Variants in TTC13 observed in about 807,000 individuals in gnomAD.
The protein encoded by TTC13 is tetratricopeptide repeat domain 13.
TTC13 carries 62 observed loss-of-function variants against 120.0 expected under a neutral mutation model. That is an observed-to-expected ratio of 0.52 (90% CI 0.42 to 0.64). The LOEUF is 0.64. TTC13 is among the 30% of genes least tolerant of loss of function. TTC13 has a pLI of 0.00. For synonymous variants in TTC13, 384 were observed against 393.5 expected (o/e 0.98, Z 0.28); for missense variants, 824 against 1,050.2 (o/e 0.78, Z 2.98).
intron 3 of TTC13, among the ~76,000 whole-genome samples, chr1:230,955,680 A>AG (rs1676014997): frequency 6.6e-6 from 1 of 151,726 alleles, no homozygotes; most frequent in African/African-American, 2.4e-5. Flanking sequence ...CAAAAAAAAA[A>AG]AAAAAGGAGT....
intron 2 of TTC13, among the ~76,000 whole-genome samples, chr1:230,959,385 C>CT (rs200290858): frequency 0.27 from 40,128 of 147,252 alleles, 5,578 homozygotes; most frequent in South Asian, 0.4. Context: ...AAATCAAATT[C>CT]TTTTTTTTTT....
intron 20 of TTC13, among the ~76,000 whole-genome samples, chr1:230,910,744 T>C (rs1048866964): frequency 1.3e-5 from 2 of 152,240 alleles, no homozygotes; most frequent in South Asian, 2.1e-4. Flanking sequence ...TAAGACAACA[T>C]TTATGTTTCT....
Position 230,924,870 on chromosome 1 carries a change from G to C in TTC13, c.1692C>G (p.Asp564Glu). Residue 564 changes from aspartate to glutamate, a missense_variant, in exon 14 of 23, where the codon GAC (aspartate) becomes GAG (glutamate). By Grantham distance (45) the Asp-to-Glu change is conservative (BLOSUM62 2). This residue lies in a region of TTC13 where 430 missense variants were observed against 626.8 expected (regional missense o/e 0.69). Transcript: ENST00000366661. ...NGKTRLMQWR[D>E]MFDIAVKWRR... ...TCCATTTAACTGCAATGTCAAACAT[G>C]TCTCTCCACTGCATCAACCGTGTCT... 6.2e-7 allele frequency: 1 copy of C among 1,614,176 alleles called. No homozygotes were observed. Among genetic ancestry groups the C allele is most frequent in the Non-Finnish European group, 8.5e-7 (1 of 1,180,014 alleles).
intron 18 of TTC13, among the ~76,000 whole-genome samples, chr1:230,913,507 G>GCGCGC (rs1671709588): frequency 1.3e-5 from 2 of 152,116 alleles, no homozygotes; most frequent in South Asian, 4.1e-4. Flanking sequence ...CTACTGGTAT[G>GCGCGC]CACCTGTAGT....
chr1:230,925,520 T>C lies in TTC13; in HGVS notation c.1585A>G (p.Arg529Gly). The C allele has an allele frequency of 6.2e-7, 1 of 1,614,088 alleles. No homozygotes were observed. The highest frequency in any genetic ancestry group is 8.5e-7 in the Non-Finnish European group (1 of 1,179,934). The change falls in exon 13 of 23, where the codon AGA becomes GGA. Residue 529 changes from arginine to glycine, a missense_variant. Physicochemically the swap from Arg to Gly is moderately radical, Grantham distance 125. Around this residue, in one of 4 missense-constraint regions of TTC13, gnomAD observed 430 missense variants for 626.8 expected, o/e 0.69. Coordinates refer to ENST00000366661, the MANE Select transcript of TTC13 (RefSeq NM_024525.5). ...PGFLPNKRIH[R>G]AMGLAALEVM... ...TTTCAGGTAGTTTCCAGAATACCTC[T>C]GTGTATTCTCTTGTTTGGCAGGAAA...
chr1:230,952,161 G>T (rs554019724), intron 4 of TTC13, among the ~76,000 whole-genome samples: 1 of 151,986 alleles, frequency 6.6e-6, no homozygotes, highest in East Asian at 1.9e-4. Context: ...TAGAATCTTC[G>T]AATTTTCTAT....
At chr1:230,910,085 T>C (rs1348357646) in intron 20 of TTC13, among the ~76,000 whole-genome samples, 2 of 152,086 alleles carry the variant, frequency 1.3e-5, no homozygotes, top group Non-Finnish European at 2.9e-5. Context: ...TAATGCATCC[T>C]AGCAGGTGGA....
In TTC13 at chr1:230,909,035, A is replaced by C; in HGVS notation, c.2310-15T>G. ...AAGCAATTACACTATTTAAATAAAGAACAAAGGTCAATCCATCCTGGACGG... is the reference window on the plus strand; with the variant it reads ...AAGCAATTACACTATTTAAATAAAGCACAAAGGTCAATCCATCCTGGACGG... On this transcript the variant is annotated splice_polypyrimidine_tract_variant and intron_variant, in intron 20 of 22. Coordinates refer to ENST00000366661, the MANE Select transcript of TTC13 (RefSeq NM_024525.5). The C allele has an allele frequency of 6.2e-7, 1 of 1,611,106 alleles. No homozygotes were observed. Among genetic ancestry groups the C allele is most frequent in the Non-Finnish European group, 8.5e-7 (1 of 1,177,278 alleles).
intron 7 of TTC13, among the ~76,000 whole-genome samples, chr1:230,939,745 C>CA (rs1674379695): frequency 6.6e-6 from 1 of 152,098 alleles, no homozygotes; most frequent in African/African-American, 2.4e-5. Flanking sequence ...GTCTCAACTA[C>CA]AAAAAAATTT....
chr1:230,932,368 G>GA (rs1558187017), intron 9 of TTC13, among the ~76,000 whole-genome samples: 1 of 148,312 alleles, frequency 6.7e-6, no homozygotes, highest in Non-Finnish European at 1.5e-5. Context: ...TTAGAATTCT[G>GA]AAAAAAGAAG....
intron 3 of TTC13, among the ~76,000 whole-genome samples, chr1:230,956,975 C>T (rs1303403318): frequency 6.6e-6 from 1 of 152,074 alleles, no homozygotes; most frequent in African/African-American, 2.4e-5. Context: ...TAGGCCAGCT[C>T]AGGGCCTACA....
Position 230,942,451 on chromosome 1 carries a change from C to T in TTC13, c.672+1355G>A, listed in dbSNP as rs748884968. Among the ~76,000 whole-genome samples the T allele has an allele frequency of 5.3e-5, 8 of 152,124 alleles. No individual in the cohort carries two copies. Among genetic ancestry groups the T allele is most frequent in the Non-Finnish European group, 8.8e-5 (6 of 67,996 alleles). On this transcript the variant is annotated intron_variant, in intron 6 of 22. Coordinates refer to ENST00000366661, the MANE Select transcript of TTC13 (RefSeq NM_024525.5). The surrounding 1 kb of genome is among the most constrained non-coding windows in gnomAD (Gnocchi z 4.0). ...TCAAAAAGCCAAATCCCCAACAAAA[C>T]AAAAATTCACTTTAAGAGACTGAAC... is the stretch of plus-strand genomic sequence containing the variant.
At chr1:230,936,665 C>T (rs568767677) in intron 8 of TTC13, 98 of 132,364 alleles carry the variant, frequency 7.4e-4, no homozygotes, top group African/African-American at 2.8e-3. Context: ...GCCTAATATA[C>T]TTCTAACGTA....
intron 1 of TTC13, among the ~76,000 whole-genome samples, chr1:230,963,563 A>G (rs1453955423): frequency 6.6e-6 from 1 of 152,044 alleles, no homozygotes; most frequent in African/African-American, 2.4e-5. Context: ...TGAGTCCAGG[A>G]GGTGGAAGCT....
At chr1:230,934,293 CAAAA>C (rs1331248465) in intron 8 of TTC13, among the ~76,000 whole-genome samples, 1 of 151,762 alleles carries the variant, frequency 6.6e-6, no homozygotes, top group Non-Finnish European at 1.5e-5. Flanking sequence ...AACCAAGAGA[CAAAA>C]AAGAAAGCCC....
chr1:230,958,586 A>G lies in TTC13; in HGVS notation c.367-287T>C, dbSNP rs1005751485. Among the ~76,000 whole-genome samples the G allele has an allele frequency of 2.6e-5, 4 of 152,228 alleles. No individual in the cohort carries two copies. In the East Asian group the frequency reaches 5.8e-4, roughly 22 times the overall value. Reference sequence around the variant, plus strand: ...AGATGTGGCAGATTTAACAATGCGTAAGGGTGTTACTGATGATATACAGCT... The same window carrying G: ...AGATGTGGCAGATTTAACAATGCGTGAGGGTGTTACTGATGATATACAGCT... On this transcript the variant is annotated intron_variant, in intron 2 of 22. Coordinates refer to ENST00000366661, the MANE Select transcript of TTC13 (RefSeq NM_024525.5).
chr1:230,931,824 A>C lies in TTC13; in HGVS notation c.1037T>G (p.Leu346Arg). ...GAGGGTTTGCACATGATTTTGGTTG[A>C]GCAACAGTGCCTTTTGAAAGCTCTC... ...ATESFQKALL[L>R]NQNHVQTLQL... The change falls in exon 10 of 23, where the codon CTC (leucine) becomes CGC (arginine). Residue 346 changes from leucine (L) to arginine (R), a missense_variant. By Grantham distance (102) the Leu-to-Arg change is moderately radical (BLOSUM62 -2). This residue lies in a region of TTC13 where 430 missense variants were observed against 626.8 expected (regional missense o/e 0.69). Coordinates refer to ENST00000366661, the MANE Select transcript of TTC13 (RefSeq NM_024525.5). 1 of 1,614,178 alleles carries C rather than the reference A, an allele frequency of 6.2e-7. No homozygotes were observed. The highest frequency in any genetic ancestry group is 8.5e-7 in the Non-Finnish European group (1 of 1,180,026).
chr1:230,962,114 G>GC (rs1374967911), intron 1 of TTC13, among the ~76,000 whole-genome samples: 2 of 152,000 alleles, frequency 1.3e-5, no homozygotes, highest in Non-Finnish European at 2.9e-5. Context: ...GGAGGCTGAG[G>GC]CAGGAGAATC....
At chr1:230,977,224 T>C (rs1454060206) in intron 1 of TTC13, among the ~76,000 whole-genome samples, 3 of 152,212 alleles carry the variant, frequency 2.0e-5, no homozygotes, top group Non-Finnish European at 4.4e-5. Flanking sequence ...AAAGCACTTA[T>C]AACAGCACCT....
Sources: gnomAD v4.1 joint callset for allele counts (sites outside exome capture counted in the v4.1 genomes callset) on GRCh38, gnomAD v4.1.1 for gene constraint, gnomAD v4.1.1 regional missense constraint, Gnocchi (gnomAD v3.1) non-coding constraint, MANE v1.5 for transcripts, NCBI Gene and HGNC (gene_info 2026-07-23, HGNC 2026-07-21) for gene names.